PITPNC1: variants seen among roughly 807,000 people sequenced by gnomAD.
PITPNC1 encodes cytoplasmic phosphatidylinositol transfer protein 1.
A neutral mutation model predicts 44.7 loss-of-function variants in PITPNC1; 18 were observed. That is an observed-to-expected ratio of 0.40 (90% CI 0.28 to 0.60). The LOEUF (loss-of-function observed/expected upper bound fraction) is 0.60, where lower values mean the gene tolerates loss of function less well. Among genes scored for constraint, PITPNC1 ranks in the 20% least tolerant of loss-of-function variants. The pLI, the probability that PITPNC1 is intolerant of heterozygous loss-of-function variation, is 0.39. For synonymous variants in PITPNC1, 141 were observed against 149.6 expected (o/e 0.94, Z 0.42); for missense variants, 290 against 418.4 (o/e 0.69, Z 2.68).
intron 5 of PITPNC1, among the ~76,000 whole-genome samples, chr17:67,599,369 C>T (rs1349785075): frequency 3.3e-5 from 5 of 151,628 alleles, no homozygotes; most frequent in African/African-American, 1.2e-4. Context: ...AAGTCATAAA[C>T]GTAGTTTTGA....
chr17:67,490,031 C>A (rs1212792922), intron 1 of PITPNC1, among the ~76,000 whole-genome samples: 3 of 152,072 alleles, frequency 2.0e-5, no homozygotes, highest in African/African-American at 7.2e-5. Context: ...GCCACCACAC[C>A]CAGCCAGGTT....
intron 5 of PITPNC1, among the ~76,000 whole-genome samples, chr17:67,628,162 C>T (rs1310947158): frequency 6.6e-6 from 1 of 152,084 alleles, no homozygotes; most frequent in African/African-American, 2.4e-5. Context: ...CTTGGCCTCC[C>T]TAAGTGCTGG....
intron 1 of PITPNC1, among the ~76,000 whole-genome samples, chr17:67,476,739 C>T (rs775666057): frequency 2.0e-5 from 3 of 152,162 alleles, no homozygotes; most frequent in Non-Finnish European, 4.4e-5. Context: ...CCCACCTCCA[C>T]CTCCCAAAGT....
At chr17:67,692,527 C>T (rs1474203245) in intron 8 of PITPNC1, 45 bp from the exon 9 acceptor site, 1 of 1,419,470 alleles carries the variant, frequency 7.0e-7, no homozygotes. Context: ...ATTTGCCTCT[C>T]TTATAAATAA....
chr17:67,494,314 C>T (rs2039912592), intron 1 of PITPNC1, among the ~76,000 whole-genome samples: 1 of 151,772 alleles, frequency 6.6e-6, no homozygotes, highest in African/African-American at 2.4e-5. Flanking sequence ...AATTCTCTGC[C>T]TCAGCCTCCC....
intron 2 of PITPNC1, among the ~76,000 whole-genome samples, chr17:67,538,446 A>G (rs2040559314): frequency 6.6e-6 from 1 of 152,136 alleles, no homozygotes; most frequent in African/African-American, 2.4e-5. Flanking sequence ...CAAAAAATAC[A>G]AAAATTAGCC....
At position 67,666,455 on chromosome 17, in the gene PITPNC1, G is replaced by A. The variant is rs942779712; in HGVS notation, c.463-3053G>A. Among the ~76,000 whole-genome samples, 144 of 152,198 alleles carry A rather than the reference G, an allele frequency of 9.5e-4. 1 individual carries two copies. Among genetic ancestry groups the A allele is most frequent in the African/African-American group, 3.4e-3 (140 of 41,456 alleles). ...CCAGCAGAAGCTTCTTAAGGCTCACGAGAGAGGTGTGGCTTTGGGAGGCTG... is the reference window on the plus strand; with the variant it reads ...CCAGCAGAAGCTTCTTAAGGCTCACAAGAGAGGTGTGGCTTTGGGAGGCTG... On this transcript the variant is annotated intron_variant, in intron 6 of 8. Coordinates refer to ENST00000581322, the MANE Select transcript of PITPNC1 (RefSeq NM_012417.4).
chr17:67,579,614 A>AT (rs558310588), intron 5 of PITPNC1, among the ~76,000 whole-genome samples: 1,015 of 88,772 alleles, frequency 0.011, 38 homozygotes, highest in African/African-American at 0.017. Context: ...TAAAATAGTG[A>AT]TTTTTTTTTT....
At chr17:67,545,327 C>T (rs1379699324) in intron 2 of PITPNC1, among the ~76,000 whole-genome samples, 3 of 151,512 alleles carry the variant, frequency 2.0e-5, no homozygotes, top group Admixed American at 1.3e-4. Flanking sequence ...TATGGGTCTC[C>T]CAGCACTTTG....
At chr17:67,382,102 G>A (rs2037969785) in intron 1 of PITPNC1, among the ~76,000 whole-genome samples, 1 of 152,170 alleles carries the variant, frequency 6.6e-6, no homozygotes, top group South Asian at 2.1e-4. Context: ...TGTCACTAGT[G>A]TTTAATCCAG....
intron 1 of PITPNC1, among the ~76,000 whole-genome samples, chr17:67,520,754 C>T (rs774452638): frequency 2.0e-5 from 3 of 152,114 alleles, no homozygotes; most frequent in South Asian, 2.1e-4. Context: ...CTTGTGGTTT[C>T]GAGTTGAGTT....
chr17:67,530,790 C>T (rs1245358948), intron 1 of PITPNC1, among the ~76,000 whole-genome samples: 1 of 152,190 alleles, frequency 6.6e-6, no homozygotes, highest in Non-Finnish European at 1.5e-5. Context: ...TATAAGGTGG[C>T]ATATTGATCT....
intron 4 of PITPNC1, among the ~76,000 whole-genome samples, chr17:67,554,460 G>A (rs1033172963): frequency 6.6e-6 from 1 of 152,030 alleles, no homozygotes; most frequent in Non-Finnish European, 1.5e-5. Context: ...GTTTCACCAT[G>A]TTGGCCAGGC....
intron 6 of PITPNC1, 86 bp downstream of exon 6, chr17:67,632,324 GATGC>G: frequency 2.4e-6 from 2 of 844,798 alleles, no homozygotes; most frequent in Non-Finnish European, 4.0e-6. Flanking sequence ...AACTTGGGAG[GATGC>G]CATCTCTCGT....
chr17:67,397,039 G>A (rs1158640671), intron 1 of PITPNC1, among the ~76,000 whole-genome samples: 1 of 152,064 alleles, frequency 6.6e-6, no homozygotes, highest in Non-Finnish European at 1.5e-5. Context: ...GGAGTGCGAT[G>A]GTGTGATCTC....
intron 5 of PITPNC1, among the ~76,000 whole-genome samples, chr17:67,626,878 C>T (rs2041903057): frequency 6.6e-6 from 1 of 151,914 alleles, no homozygotes; most frequent in Admixed American, 6.6e-5. Context: ...ATAGAGTCCT[C>T]TTTGGAAAGT....
chr17:67,569,937 C>T lies in PITPNC1; in HGVS notation c.295-8249C>T, dbSNP rs147980394. On this transcript the variant is annotated intron_variant, in intron 4 of 8. Transcript: ENST00000581322. ...AAGATTTTTCATGAGAAAGAGGATT[C>T]GAGACCTGGAGTGAGCCCAGAGGAG... is the stretch of plus-strand genomic sequence containing the variant. Among the ~76,000 whole-genome samples the T allele has an allele frequency of 8.8e-4, 134 of 152,240 alleles. 1 individual carries two copies. The highest frequency in any genetic ancestry group is 3.0e-3 in the African/African-American group (126 of 41,520).
chr17:67,685,216 T>G (rs1272969536), intron 8 of PITPNC1, among the ~76,000 whole-genome samples: 1 of 152,252 alleles, frequency 6.6e-6, no homozygotes, highest in East Asian at 1.9e-4. Flanking sequence ...CTTTATTGCT[T>G]TTTGGTTACC....
At chr17:67,614,095 A>C (rs1004256053) in intron 5 of PITPNC1, among the ~76,000 whole-genome samples, 1 of 151,760 alleles carries the variant, frequency 6.6e-6, no homozygotes, top group African/African-American at 2.4e-5. Context: ...TCAAAAAAAA[A>C]GAAAAGAAAA....
Sources: allele counts gnomAD v4.1 joint callset (sites outside exome capture counted in the v4.1 genomes callset), GRCh38; gene constraint gnomAD v4.1.1; transcripts MANE v1.5; gene names NCBI Gene and HGNC (gene_info 2026-07-23, HGNC 2026-07-21).